The following GALNT13 variants were observed in gnomAD, a reference collection of about 807,000 sequenced individuals.
GALNT13 encodes polypeptide N-acetylgalactosaminyltransferase 13.
In GALNT13, 28 loss-of-function variants were observed where a neutral mutation model predicts 64.2. The ratio of observed to expected loss-of-function variants is 0.44; its 90% CI spans 0.32 to 0.60. The LOEUF (loss-of-function observed/expected upper bound fraction) is 0.60, where lower values mean the gene tolerates loss of function less well. GALNT13 is among the 20% of genes least tolerant of loss of function. The pLI, the probability that GALNT13 is intolerant of heterozygous loss-of-function variation, is 0.05. For missense variants in GALNT13, 577 were observed against 669.8 expected (o/e 0.86, Z 1.53); for synonymous variants, 214 against 224.6 (o/e 0.95, Z 0.42).
At chr2:153,144,731 A>G in the GALNT13 span, among the ~76,000 whole-genome samples, 2 of 152,030 alleles carry the variant, frequency 1.3e-5, no homozygotes, top group Admixed American at 1.3e-4. Flanking sequence ...GAAAATGTTC[A>G]TGTCTGGGGA....
At chr2:153,640,411 A>T in the GALNT13 span, among the ~76,000 whole-genome samples, 2 of 152,152 alleles carry the variant, frequency 1.3e-5, no homozygotes, top group Non-Finnish European at 2.9e-5. Flanking sequence ...TCAAATGATC[A>T]CTACATTTGG....
the GALNT13 span, among the ~76,000 whole-genome samples, chr2:153,174,507 T>C: frequency 6.6e-5 from 10 of 152,002 alleles, no homozygotes; most frequent in African/African-American, 2.4e-4. Context: ...GCTGAGAATT[T>C]TCCAAATCCA....
chr2:154,183,004 C>A (rs868796991), intron 4 of GALNT13, among the ~76,000 whole-genome samples: 1 of 151,996 alleles, frequency 6.6e-6, no homozygotes, highest in African/African-American at 2.4e-5. Flanking sequence ...CCTGTAGTAT[C>A]ATTGTTTTGG....
the GALNT13 span, among the ~76,000 whole-genome samples, chr2:153,317,624 A>G: frequency 6.6e-6 from 1 of 152,102 alleles, no homozygotes; most frequent in Non-Finnish European, 1.5e-5. Flanking sequence ...CTTGGTGGAG[A>G]CAGCCGACTG....
chr2:153,720,602 A>G, the GALNT13 span, among the ~76,000 whole-genome samples: 50 of 151,528 alleles, frequency 3.3e-4, no homozygotes, highest in East Asian at 7.3e-3. Context: ...TAACCAATAC[A>G]GAGAAGTGCT....
the GALNT13 span, among the ~76,000 whole-genome samples, chr2:153,260,761 AT>A: frequency 6.6e-6 from 1 of 152,202 alleles, no homozygotes; most frequent in Middle Eastern, 3.4e-3. Context: ...GTTTTCTGTT[AT>A]TATCTATTTA....
intron 3 of GALNT13, among the ~76,000 whole-genome samples, chr2:154,021,101 T>C (rs1697443796): frequency 1.3e-5 from 2 of 152,312 alleles, no homozygotes; most frequent in African/African-American, 2.4e-5. Context: ...TTGGTTACTG[T>C]AGCCTTGTAG....
the GALNT13 span, among the ~76,000 whole-genome samples, chr2:153,086,027 A>G: frequency 6.6e-6 from 1 of 152,110 alleles, no homozygotes; most frequent in Admixed American, 6.6e-5. Context: ...TCATTTAGAA[A>G]CTTTAATATT....
the GALNT13 span, among the ~76,000 whole-genome samples, chr2:153,866,400 C>T: frequency 1.3e-5 from 2 of 152,186 alleles, no homozygotes; most frequent in East Asian, 3.9e-4. Flanking sequence ...GTTACAACAA[C>T]CACCTCCCTT....
chr2:154,445,807 C>G, intron 12 of GALNT13: 1 of 1,288,324 alleles, frequency 7.8e-7, no homozygotes, highest in South Asian at 1.2e-5. Context: ...AACAGACTTA[C>G]TTAGTGTCTC....
chr2:154,113,945 A>G (rs1263999938), intron 3 of GALNT13, among the ~76,000 whole-genome samples: 47 of 152,318 alleles, frequency 3.1e-4, no homozygotes, highest in Admixed American at 3.1e-3. Context: ...TAATTTGCTC[A>G]AGCAATAAAA....
At chr2:153,226,099 G>A in the GALNT13 span, among the ~76,000 whole-genome samples, 47 of 152,102 alleles carry the variant, frequency 3.1e-4, no homozygotes, top group Middle Eastern at 3.4e-3. Flanking sequence ...ACCATGCTCA[G>A]CTAATTTTTG....
chr2:153,211,491 A>G, the GALNT13 span, among the ~76,000 whole-genome samples: 1 of 152,182 alleles, frequency 6.6e-6, no homozygotes, highest in Admixed American at 6.5e-5. Flanking sequence ...TTCTATGGCT[A>G]TCATAATGCT....
chr2:154,170,506 A>G (rs1685289775), intron 4 of GALNT13, among the ~76,000 whole-genome samples: 1 of 152,098 alleles, frequency 6.6e-6, no homozygotes, highest in Non-Finnish European at 1.5e-5. Context: ...GAATAACTAT[A>G]ATAACTGCTC....
intron 9 of GALNT13, among the ~76,000 whole-genome samples, chr2:154,356,212 A>C (rs1696739818): frequency 6.6e-6 from 1 of 151,974 alleles, no homozygotes; most frequent in Non-Finnish European, 1.5e-5. Context: ...AAGTTAATTT[A>C]AATCTAACTG....
At chr2:153,469,981 C>T in the GALNT13 span, among the ~76,000 whole-genome samples, 10 of 152,096 alleles carry the variant, frequency 6.6e-5, no homozygotes, top group African/African-American at 2.4e-4. Context: ...GGAGCTACAT[C>T]AACTCAACAC....
intron 10 of GALNT13, among the ~76,000 whole-genome samples, chr2:154,401,444 G>T (rs1021984283): frequency 2.0e-5 from 3 of 151,978 alleles, no homozygotes; most frequent in East Asian, 1.9e-4. Context: ...CAAAATTCTT[G>T]GGGACTCAGT....
intron 2 of GALNT13, among the ~76,000 whole-genome samples, chr2:153,940,601 T>C (rs1519203): frequency 0.77 from 117,704 of 152,070 alleles, 45,987 homozygotes; most frequent in East Asian, 0.96. Flanking sequence ...TCCTATCAGT[T>C]AGACCTGAAG....
At chr2:153,649,019 G>A in the GALNT13 span, among the ~76,000 whole-genome samples, 5 of 152,138 alleles carry the variant, frequency 3.3e-5, no homozygotes, top group African/African-American at 1.2e-4. Flanking sequence ...TCTGTTGATT[G>A]GAATAGTTTC....
Sources: allele counts gnomAD v4.1 joint callset (sites outside exome capture counted in the v4.1 genomes callset), GRCh38; gene constraint gnomAD v4.1.1; transcripts MANE v1.5; gene names NCBI Gene and HGNC (gene_info 2026-07-23, HGNC 2026-07-21).